The following CHST12 variants were observed in gnomAD, a reference collection of about 807,000 sequenced individuals.
The protein encoded by CHST12 is carbohydrate (chondroitin 4) sulfotransferase 12.
CHST12 carries 23 observed loss-of-function variants against 27.9 expected under a neutral mutation model. The observed-to-expected ratio is 0.82, with a 90% CI of 0.59 to 1.17. The LOEUF (loss-of-function observed/expected upper bound fraction) is 1.17, where lower values mean the gene tolerates loss of function less well. Ranked by LOEUF, CHST12 falls within the 50% of genes most tolerant of loss-of-function variation. The pLI is 0.00. For missense variants in CHST12, 682 were observed against 603.0 expected, an observed-to-expected ratio of 1.13 and a Z score of -1.37; for synonymous variants, 322 against 273.0, an observed-to-expected ratio of 1.18 and a Z score of -1.77.
In CHST12 at chr7:2,414,125, C is replaced by T. The variant is rs149582616; in HGVS notation, c.-78+10452C>T. On this transcript the variant is annotated intron_variant, in intron 1 of 1. Transcript: ENST00000618655. ...TATTTGTATCTCTTCTTTTGTGAAA[C>T]GTCTGTTCAAATTTTTTGCTTATTT... 6.7e-3 allele frequency among the ~76,000 whole-genome samples: 1,020 copies of T among 152,168 alleles called. 8 individuals carry two copies. The highest frequency in any genetic ancestry group is 0.023 in the African/African-American group (952 of 41,530).
Position 2,434,136 on chromosome 7 carries a change from G to T in CHST12, c.*252G>T, listed in dbSNP as rs1476167684. On this transcript the variant is annotated 3_prime_UTR_variant, in exon 2 of 2. Transcript: ENST00000618655. ...CACCCGCCCGCCCGCTCGCCCGCTC[G>T]CCCGCTCCTGTGGTTTTTCTGAGCG... 3.2e-6 allele frequency: 1 copy of T among 310,096 alleles called. No individual in the cohort carries two copies. Among genetic ancestry groups the T allele is most frequent in the Admixed American group, 5.1e-5 (1 of 19,768 alleles). The allele number at this position is 310,096 out of a possible 1,614,324, so 19.2% of individuals were successfully genotyped here. A position where few individuals can be genotyped will look rare whatever the true frequency, so the allele number is the denominator to read the frequency against.
intron 1 of CHST12, among the ~76,000 whole-genome samples, chr7:2,411,025 C>T (rs939546898): frequency 6.3e-4 from 96 of 152,022 alleles, no homozygotes; most frequent in African/African-American, 2.3e-3. Context: ...GCAGAGGGGA[C>T]TTGACAAGTT....
intron 1 of CHST12, among the ~76,000 whole-genome samples, chr7:2,428,115 CT>C: frequency 6.6e-6 from 1 of 152,106 alleles, no homozygotes; most frequent in South Asian, 2.1e-4. Context: ...TTTCTATACA[CT>C]GCTGGATTTG....
intron 1 of CHST12, among the ~76,000 whole-genome samples, chr7:2,410,386 G>A (rs1403437458): frequency 6.6e-6 from 1 of 152,164 alleles, no homozygotes; most frequent in African/African-American, 2.4e-5. Flanking sequence ...GGTGGCTCAC[G>A]CCTGTAATCC....
intron 1 of CHST12, among the ~76,000 whole-genome samples, chr7:2,405,201 T>G (rs1321711362): frequency 6.6e-6 from 1 of 151,964 alleles, no homozygotes; most frequent in Non-Finnish European, 1.5e-5. Flanking sequence ...TCCCAGCACT[T>G]TGGGAGGCAG....
chr7:2,413,495 T>G (rs1159981570), intron 1 of CHST12, among the ~76,000 whole-genome samples: 1 of 152,222 alleles, frequency 6.6e-6, no homozygotes, highest in Non-Finnish European at 1.5e-5. Flanking sequence ...AATCAAACAG[T>G]AGAGCATTTC....
chr7:2,404,699 C>G (rs1433940595), intron 1 of CHST12, among the ~76,000 whole-genome samples: 1 of 152,230 alleles, frequency 6.6e-6, no homozygotes, highest in African/African-American at 2.4e-5. Flanking sequence ...GAGGAGATTG[C>G]TACACGAAGG....
At position 2,442,669 on chromosome 7, in the gene CHST12, C is replaced by G. The variant is rs117883639; in HGVS notation, c.*8785C>G. On this transcript the variant is annotated 3_prime_UTR_variant, in exon 2 of 2. Transcript: ENST00000618655. ...TGAGACACCACGCCCCGCCGAGTCC[C>G]TGCTTTTAATTCTTTGGGGCAGGGA... 0.11 allele frequency: 16,569 copies of G among 152,440 alleles called. 1,246 individuals are homozygous for G. Among genetic ancestry groups the G allele is most frequent in the South Asian group, 0.18 (893 of 4,832 alleles). The allele number at this position is 152,440 out of a possible 1,614,324, so 9.4% of individuals were successfully genotyped here. A position where few individuals can be genotyped will look rare whatever the true frequency, so the allele number is the denominator to read the frequency against.
At chr7:2,417,617 T>G (rs184593089) in intron 1 of CHST12, among the ~76,000 whole-genome samples, 12 of 152,272 alleles carry the variant, frequency 7.9e-5, no homozygotes, top group Non-Finnish European at 1.5e-4. Flanking sequence ...CTCGAACTCC[T>G]GACCTCAACT....
At chr7:2,413,450 G>T (rs1233986237) in intron 1 of CHST12, among the ~76,000 whole-genome samples, 1 of 152,158 alleles carries the variant, frequency 6.6e-6, no homozygotes, top group Non-Finnish European at 1.5e-5. Flanking sequence ...TTTGAGGAAC[G>T]TGGCCAAACA....
intron 1 of CHST12, among the ~76,000 whole-genome samples, chr7:2,411,364 C>A (rs899676315): frequency 1.3e-5 from 2 of 152,036 alleles, no homozygotes; most frequent in South Asian, 4.1e-4. Context: ...TTACAGGCAT[C>A]AGCCACTGCA....
chr7:2,426,351 G>A (rs976638438), intron 1 of CHST12, among the ~76,000 whole-genome samples: 7 of 152,180 alleles, frequency 4.6e-5, no homozygotes, highest in African/African-American at 1.7e-4. Context: ...GCATGCACGT[G>A]GTGAGCACAA....
chr7:2,404,905 T>C (rs1050615780), intron 1 of CHST12, among the ~76,000 whole-genome samples: 1 of 152,184 alleles, frequency 6.6e-6, no homozygotes, highest in Non-Finnish European at 1.5e-5. Context: ...ATGCCGGTAA[T>C]AGCGTGGGCC....
In CHST12 at chr7:2,444,145, G is replaced by A. The variant is rs1378749203; in HGVS notation, c.*10261G>A. ...TAAAAATACAAAAAATTAGCCGGGCGTAGTGGCGGGCGCCTGTAGTCCCAG... is the reference window on the plus strand; with the variant it reads ...TAAAAATACAAAAAATTAGCCGGGCATAGTGGCGGGCGCCTGTAGTCCCAG... On this transcript the variant is annotated 3_prime_UTR_variant, in exon 2 of 2. Transcript: ENST00000618655. 7 of 150,280 alleles carry A rather than the reference G, an allele frequency of 4.7e-5. No individual in the cohort carries two copies. Among genetic ancestry groups the A allele is most frequent in the Non-Finnish European group, 1.0e-4 (7 of 67,212 alleles). The allele number at this position is 150,280 out of a possible 1,614,324, so 9.3% of individuals were successfully genotyped here.
At chr7:2,407,680 T>C (rs1022001951) in intron 1 of CHST12, among the ~76,000 whole-genome samples, 21 of 152,084 alleles carry the variant, frequency 1.4e-4, no homozygotes, top group African/African-American at 4.8e-4. Context: ...CTCATGCCTG[T>C]AATCCCAGCA....
rs1432769170 is a variant in CHST12, at chr7:2,434,811, G to C, written c.*927G>C. ...TAATACATTATGGCTATTAAGGCTG[G>C]GCACGGTGGCTCATGCCTGCAATCC... is the stretch of plus-strand genomic sequence containing the variant. On this transcript the variant is annotated 3_prime_UTR_variant, in exon 2 of 2. Coordinates refer to ENST00000618655, the MANE Select transcript of CHST12 (RefSeq NM_018641.5). 3 of 152,010 alleles carry C rather than the reference G, an allele frequency of 2.0e-5. No individual in the cohort carries two copies. Among genetic ancestry groups the C allele is most frequent in the Non-Finnish European group, 4.4e-5 (3 of 68,098 alleles). The allele number at this position is 152,010 out of a possible 1,614,324, so 9.4% of individuals were successfully genotyped here. A position where few individuals can be genotyped will look rare whatever the true frequency, so the allele number is the denominator to read the frequency against.
intron 1 of CHST12, among the ~76,000 whole-genome samples, chr7:2,414,583 C>G (rs928078342): frequency 6.6e-6 from 1 of 152,154 alleles, no homozygotes; most frequent in Non-Finnish European, 1.5e-5. Context: ...CCGTGCCCAG[C>G]CTTTACTTTC....
chr7:2,433,476 C>G lies in CHST12; in HGVS notation c.837C>G (p.Ala279=). 1 of 1,611,348 alleles carries G rather than the reference C, an allele frequency of 6.2e-7. No individual in the cohort carries two copies. The highest frequency in any genetic ancestry group is 8.5e-7 in the Non-Finnish European group (1 of 1,179,918). Residue 279 remains alanine (A), a synonymous_variant, in exon 2 of 2, where the codon GCC becomes GCG. Coordinates refer to ENST00000618655, the MANE Select transcript of CHST12 (RefSeq NM_018641.5). The surrounding 1 kb of genome is among the most constrained non-coding windows in gnomAD (Gnocchi z 6.1). ...KFAVPMLRLY[A]NHTSLPASAR... ...CCGTGCCCATGCTGCGGCTGTACGC[C>G]AACCACACCAGCCTGCCCGCCTCGG...
chr7:2,423,488 G>T (rs902372515), intron 1 of CHST12, among the ~76,000 whole-genome samples: 2 of 152,100 alleles, frequency 1.3e-5, no homozygotes, highest in Non-Finnish European at 2.9e-5. Context: ...TCACGTTTTC[G>T]TGATTTCTGT....
Sources: gnomAD v4.1 joint callset for allele counts (sites outside exome capture counted in the v4.1 genomes callset) on GRCh38, gnomAD v4.1.1 for gene constraint, Gnocchi (gnomAD v3.1) non-coding constraint, MANE v1.5 for transcripts, NCBI Gene and HGNC (gene_info 2026-07-23, HGNC 2026-07-21) for gene names.